Variants in FERMT2 observed in about 807,000 individuals in gnomAD.
FERMT2 encodes the protein fermitin family homolog 2.
FERMT2 carries 15 observed loss-of-function variants against 82.7 expected under a neutral mutation model. The observed-to-expected ratio is 0.18, with a 90% CI of 0.12 to 0.28. FERMT2 has a LOEUF of 0.28. FERMT2 is among the 10% of genes least tolerant of loss of function. The pLI, the probability that FERMT2 is intolerant of heterozygous loss-of-function variation, is 1.00. For missense variants in FERMT2, 645 were observed against 809.4 expected (o/e 0.80, Z 2.46); for synonymous variants, 274 against 271.5 (o/e 1.01, Z -0.09).
rs141491310 is a variant in FERMT2 at position 52,884,535 on chromosome 14, C to T, written c.527-3066G>A. On this transcript the variant is annotated intron_variant, in intron 4 of 14. Coordinates refer to ENST00000341590, the MANE Select transcript of FERMT2 (RefSeq NM_006832.3). ...AGGAGAATCACTTGAACCCGGGAGG[C>T]GGAGTTTGCAGTGAGAGACTGCACC... Among the ~76,000 whole-genome samples, 661 of 151,392 alleles carry T rather than the reference C, an allele frequency of 4.4e-3. 2 individuals are homozygous for T. Among genetic ancestry groups the T allele is most frequent in the Admixed American group, 6.6e-3 (101 of 15,226 alleles).
intron 3 of FERMT2, among the ~76,000 whole-genome samples, chr14:52,905,388 C>T (rs577655972): frequency 1.5e-3 from 228 of 152,210 alleles, no homozygotes; most frequent in Admixed American, 3.1e-3. Context: ...TGGTATAAGC[C>T]TTTTTTACTT....
At chr14:52,942,371 C>T (rs564849197) in intron 2 of FERMT2, among the ~76,000 whole-genome samples, 5 of 151,126 alleles carry the variant, frequency 3.3e-5, no homozygotes, top group African/African-American at 1.2e-4. Context: ...GGCGCGATCC[C>T]GGCTCACTGC....
chr14:52,943,816 T>C (rs1890202621), intron 2 of FERMT2, among the ~76,000 whole-genome samples: 1 of 152,212 alleles, frequency 6.6e-6, no homozygotes. Context: ...TTTGAAACTT[T>C]TAAAAATTAA....
chr14:52,919,100 A>C, intron 3 of FERMT2, 23 bp downstream of exon 3: 1 of 1,522,296 alleles, frequency 6.6e-7, no homozygotes, highest in South Asian at 1.1e-5. Flanking sequence ...TCGTATTTTA[A>C]GAAGAATTTA....
In FERMT2 at chr14:52,883,417, G is replaced by GT. The variant is rs1886403131; in HGVS notation, c.527-1949dup. ...TTACTCCAACTCAGTTGGGCAAAGGGTATTTCTGCTACAGAGTGTGCATGT... is the reference window on the plus strand; with the variant it reads ...TTACTCCAACTCAGTTGGGCAAAGGGTTATTTCTGCTACAGAGTGTGCATGT... On this transcript the variant is annotated intron_variant, in intron 4 of 14. Coordinates refer to ENST00000341590, the MANE Select transcript of FERMT2 (RefSeq NM_006832.3). Among the ~76,000 whole-genome samples, 3 of 152,152 alleles carry GT rather than the reference G, an allele frequency of 2.0e-5. No homozygotes were observed. The South Asian group carries it at 6.2e-4, about 32-fold the overall frequency.
chr14:52,914,791 G>A (rs1369067210), intron 3 of FERMT2, among the ~76,000 whole-genome samples: 2 of 151,764 alleles, frequency 1.3e-5, no homozygotes, highest in South Asian at 2.1e-4. Context: ...ATGATGGTGC[G>A]CAACTGTAGT....
intron 8 of FERMT2, among the ~76,000 whole-genome samples, chr14:52,874,553 T>C (rs1162189593): frequency 6.6e-6 from 1 of 152,216 alleles, no homozygotes; most frequent in African/African-American, 2.4e-5. Context: ...CTGAAGTGTT[T>C]CTTCAGCAGT....
At chr14:52,902,179 G>C (rs902009141) in intron 3 of FERMT2, among the ~76,000 whole-genome samples, 1 of 151,084 alleles carries the variant, frequency 6.6e-6, no homozygotes, top group African/African-American at 2.4e-5. Context: ...GATCACTTGA[G>C]GTCAGGAATT....
intron 12 of FERMT2, chr14:52,862,223 C>A (rs1884988896): frequency 6.6e-6 from 1 of 152,170 alleles, no homozygotes; most frequent in Non-Finnish European, 1.5e-5. Context: ...CACCACCATG[C>A]CTGGCTAATT....
At chr14:52,878,047 A>G (rs1180616798) in intron 7 of FERMT2, among the ~76,000 whole-genome samples, 2 of 152,152 alleles carry the variant, frequency 1.3e-5, no homozygotes, top group African/African-American at 4.8e-5. Context: ...ACATATGAAA[A>G]AACTGGTTTA....
chr14:52,927,973 A>G (rs1175082962), intron 2 of FERMT2: 1 of 368,566 alleles, frequency 2.7e-6, no homozygotes, highest in Non-Finnish European at 5.5e-6. Context: ...AAAGAGAAAA[A>G]TGAAGTAATT....
intron 6 of FERMT2, among the ~76,000 whole-genome samples, chr14:52,878,983 TAAC>T (rs1428399564): frequency 3.3e-5 from 5 of 152,140 alleles, no homozygotes; most frequent in Admixed American, 1.3e-4. Flanking sequence ...TTCAGGGAAA[TAAC>T]CACTAGACAT....
chr14:52,889,192 A>G lies in FERMT2; in HGVS notation c.526+4101T>C, dbSNP rs919074324. 2.0e-5 allele frequency among the ~76,000 whole-genome samples: 3 copies of G among 152,350 alleles called. No individual in the cohort carries two copies. In the East Asian group the frequency reaches 5.8e-4, roughly 29 times the overall value. ...ATATTTTACTGTGTGGATTAAATAT[A>G]TTACATGTAGTGTTTTGGACAAGAA... is the stretch of plus-strand genomic sequence containing the variant. On this transcript the variant is annotated intron_variant, in intron 4 of 14. Coordinates refer to ENST00000341590, the MANE Select transcript of FERMT2 (RefSeq NM_006832.3).
intron 2 of FERMT2, among the ~76,000 whole-genome samples, chr14:52,933,025 CA>C (rs921515774): frequency 1.3e-5 from 2 of 150,140 alleles, no homozygotes; most frequent in Non-Finnish European, 3.0e-5. Flanking sequence ...AAGAAATGAA[CA>C]AAAAAAAACA....
intron 2 of FERMT2, among the ~76,000 whole-genome samples, chr14:52,946,775 T>G (rs978964040): frequency 6.6e-6 from 1 of 152,014 alleles, no homozygotes; most frequent in Non-Finnish European, 1.5e-5. Flanking sequence ...CAGGTTCAAG[T>G]GATTCTCCTG....
intron 2 of FERMT2, among the ~76,000 whole-genome samples, chr14:52,921,788 G>T (rs1480285942): frequency 6.6e-6 from 1 of 152,178 alleles, no homozygotes; most frequent in Non-Finnish European, 1.5e-5. Context: ...TCAGATTTCA[G>T]ATTTTTGGAT....
chr14:52,944,920 GAC>G (rs1745434010), intron 2 of FERMT2, among the ~76,000 whole-genome samples: 1 of 151,020 alleles, frequency 6.6e-6, no homozygotes, highest in Non-Finnish European at 1.5e-5. Context: ...TTTTTTTGGA[GAC>G]AGAGTCTTGC....
intron 6 of FERMT2, among the ~76,000 whole-genome samples, chr14:52,878,957 A>T (rs542627458): frequency 1.3e-5 from 2 of 152,354 alleles, no homozygotes; most frequent in East Asian, 3.9e-4. Context: ...TAAAAAGTAG[A>T]TTCTGTATGT....
intron 3 of FERMT2, among the ~76,000 whole-genome samples, chr14:52,907,782 A>G (rs1385159065): frequency 6.6e-6 from 1 of 152,054 alleles, no homozygotes; most frequent in Non-Finnish European, 1.5e-5. Flanking sequence ...CCACCAAAAA[A>G]AAAACCCCAC....
Sources: gnomAD v4.1 joint callset for allele counts (sites outside exome capture counted in the v4.1 genomes callset) on GRCh38, gnomAD v4.1.1 for gene constraint, MANE v1.5 for transcripts, NCBI Gene and HGNC (gene_info 2026-07-23, HGNC 2026-07-21) for gene names.